Variants in PHC3 observed in about 807,000 individuals in gnomAD.
PHC3 encodes the protein polyhomeotic-like protein 3.
PHC3 carries 13 observed loss-of-function variants against 107.4 expected under a neutral mutation model. The ratio of observed to expected loss-of-function variants is 0.12; its 90% CI spans 0.08 to 0.19. PHC3 has a LOEUF of 0.19. Ranked by LOEUF, PHC3 falls within the 10% of genes least tolerant of loss-of-function variation. The probability of loss-of-function intolerance (pLI) is 1.00; values close to 1 mark genes in which losing one functional copy is unlikely to be tolerated. For synonymous variants in PHC3, 456 were observed against 427.4 expected (o/e 1.07, Z -0.83); for missense variants, 992 against 1,210.9 (o/e 0.82, Z 2.68).
intron 11 of PHC3, among the ~76,000 whole-genome samples, chr3:170,110,779 C>A (rs1044219334): frequency 2.6e-5 from 4 of 152,166 alleles, no homozygotes; most frequent in Admixed American, 2.6e-4. Flanking sequence ...ATATTATAAA[C>A]TGAGGATCAC....
Position 170,092,501 on chromosome 3 carries a change from G to A in PHC3, c.*4729C>T, listed in dbSNP as rs1040347050. On this transcript the variant is annotated 3_prime_UTR_variant, in exon 15 of 15. Coordinates refer to ENST00000495893, the MANE Select transcript of PHC3 (RefSeq NM_024947.4). Reference sequence around the variant, plus strand: ...AGTTCATTTCATGATCCACACTGCTGTGAACCAAAGAAGCAGAGGTAGGCT... The same window carrying A: ...AGTTCATTTCATGATCCACACTGCTATGAACCAAAGAAGCAGAGGTAGGCT... 6 of 152,186 alleles carry A rather than the reference G, an allele frequency of 3.9e-5. No homozygotes were observed. The highest frequency in any genetic ancestry group is 1.3e-4 in the Admixed American group (2 of 15,270). 9.4% of individuals were successfully genotyped at this position (152,186 alleles called of 1,614,324 possible). A position where few individuals can be genotyped will look rare whatever the true frequency, so the allele number is the denominator to read the frequency against.
intron 4 of PHC3, among the ~76,000 whole-genome samples, chr3:170,155,006 C>T (rs1726660784): frequency 2.0e-5 from 3 of 152,192 alleles, no homozygotes; most frequent in Admixed American, 2.0e-4. Context: ...AATCCTGTCA[C>T]TTCATATCTC....
chr3:170,143,457 G>A (rs1724425080), intron 6 of PHC3, among the ~76,000 whole-genome samples: 1 of 151,656 alleles, frequency 6.6e-6, no homozygotes, highest in Non-Finnish European at 1.5e-5. Flanking sequence ...ATAATATATA[G>A]AGGTTTTATC....
At chr3:170,147,208 A>T (rs993707251) in intron 5 of PHC3, 4 of 152,206 alleles carry the variant, frequency 2.6e-5, no homozygotes, top group Admixed American at 2.6e-4. Flanking sequence ...ATCCACTCAG[A>T]GATTAACCAA....
intron 4 of PHC3, among the ~76,000 whole-genome samples, chr3:170,165,420 C>T (rs560948453): frequency 1.8e-4 from 28 of 152,134 alleles, no homozygotes; most frequent in African/African-American, 6.7e-4. Flanking sequence ...AAAAGGACAA[C>T]CAATAGAAGC....
In PHC3 at chr3:170,089,272, A is replaced by C. The variant is rs1713825936; in HGVS notation, c.*7958T>G. 1 of 152,204 alleles carries C rather than the reference A, an allele frequency of 6.6e-6. No homozygotes were observed. The highest frequency in any genetic ancestry group is 6.5e-5 in the Admixed American group (1 of 15,276). The allele number at this position is 152,204 out of a possible 1,614,324, so 9.4% of individuals were successfully genotyped here. ...CAGTATCAACTGATGTTAACAAGTA[A>C]AGCTTTGTCAACAGGAATTACAATG... On this transcript the variant is annotated 3_prime_UTR_variant, in exon 15 of 15. Transcript: ENST00000495893.
intron 3 of PHC3, 104 bp from the exon 4 acceptor site, chr3:170,171,554 A>G (rs1339370871): frequency 2.6e-6 from 2 of 761,872 alleles, no homozygotes; most frequent in African/African-American, 3.7e-5. Flanking sequence ...CAAAAGGCCT[A>G]TGTATGAAAC....
At chr3:170,141,296 A>G (rs1429923666) in intron 6 of PHC3, among the ~76,000 whole-genome samples, 1 of 152,228 alleles carries the variant, frequency 6.6e-6, no homozygotes, top group Non-Finnish European at 1.5e-5. Flanking sequence ...TTTCAAAAGC[A>G]CAGAGAAGAG....
intron 4 of PHC3, 154 bp downstream of exon 4, chr3:170,171,218 AT>A: frequency 3.3e-6 from 2 of 608,602 alleles, no homozygotes; most frequent in Non-Finnish European, 2.8e-6. Flanking sequence ...TTAGTTCTGA[AT>A]TCTTGAATTT....
chr3:170,170,171 C>T (rs939347488), intron 4 of PHC3: 3 of 152,016 alleles, frequency 2.0e-5, no homozygotes, highest in African/African-American at 7.3e-5. Context: ...GAGCACAATT[C>T]CTTAACCTTC....
At chr3:170,132,690 G>T (rs1454160380) in intron 7 of PHC3, among the ~76,000 whole-genome samples, 1 of 152,238 alleles carries the variant, frequency 6.6e-6, no homozygotes, top group East Asian at 1.9e-4. Context: ...CCAGGACTGT[G>T]AGAAAATTAA....
chr3:170,144,306 A>C (rs541797792), intron 6 of PHC3, among the ~76,000 whole-genome samples: 1 of 151,228 alleles, frequency 6.6e-6, no homozygotes, highest in Non-Finnish European at 1.5e-5. Context: ...GTGCCACTGT[A>C]CTCCAGCTTG....
intron 1 of PHC3, among the ~76,000 whole-genome samples, chr3:170,180,690 A>G (rs1338214136): frequency 6.6e-6 from 1 of 151,818 alleles, no homozygotes; most frequent in Non-Finnish European, 1.5e-5. Context: ...CTGTCATACT[A>G]CTACCGTATC....
Position 170,092,295 on chromosome 3 carries a change from C to A in PHC3, c.*4935G>T, listed in dbSNP as rs1714186572. 1 of 152,140 alleles carries A rather than the reference C, an allele frequency of 6.6e-6. No individual in the cohort carries two copies. Among genetic ancestry groups the A allele is most frequent in the Admixed American group, 6.6e-5 (1 of 15,262 alleles). The allele number at this position is 152,140 out of a possible 1,614,324, so 9.4% of individuals were successfully genotyped here. ...GATTACAGGTGTGAGCCACCATGCC[C>A]AGCCCCAAATAATTTCTTTTAAGAT... On this transcript the variant is annotated 3_prime_UTR_variant, in exon 15 of 15. Coordinates refer to ENST00000495893, the MANE Select transcript of PHC3 (RefSeq NM_024947.4).
intron 7 of PHC3, among the ~76,000 whole-genome samples, chr3:170,133,265 G>A (rs758972014): frequency 1.3e-5 from 2 of 150,166 alleles, no homozygotes; most frequent in East Asian, 2.0e-4. Context: ...TGCAACCTCC[G>A]CCTCCCAGGT....
Position 170,175,902 on chromosome 3 carries a change from C to T in PHC3, c.180+2871G>A, listed in dbSNP as rs184905576. On this transcript the variant is annotated intron_variant, in intron 2 of 14. Transcript: ENST00000495893. Reference sequence around the variant, plus strand: ...TCGCGCCACTGCACTCCAGCGTGGGCTACAGGGCAAGACTCAGTCTCAAAA... The same window carrying T: ...TCGCGCCACTGCACTCCAGCGTGGGTTACAGGGCAAGACTCAGTCTCAAAA... Among the ~76,000 whole-genome samples, 7 of 147,828 alleles carry T rather than the reference C, an allele frequency of 4.7e-5. No homozygotes were observed. In the East Asian group the frequency reaches 8.0e-4, roughly 17 times the overall value.
chr3:170,150,338 T>C (rs1725695404), intron 4 of PHC3, among the ~76,000 whole-genome samples: 1 of 152,054 alleles, frequency 6.6e-6, no homozygotes, highest in South Asian at 2.1e-4. Flanking sequence ...GGAAAAATCC[T>C]GAATATCAGC....
chr3:170,111,428 G>A (rs569611630), intron 11 of PHC3, among the ~76,000 whole-genome samples: 4 of 150,000 alleles, frequency 2.7e-5, no homozygotes, highest in East Asian at 2.0e-4. Flanking sequence ...AAAGAAGGAA[G>A]GAGAAAGAAA....
intron 4 of PHC3, among the ~76,000 whole-genome samples, chr3:170,149,626 G>T (rs956894067): frequency 6.6e-6 from 1 of 151,856 alleles, no homozygotes; most frequent in Admixed American, 6.6e-5. Context: ...GGCTAATTTT[G>T]TATATTTTTA....
Sources: allele counts gnomAD v4.1 joint callset (sites outside exome capture counted in the v4.1 genomes callset), GRCh38; gene constraint gnomAD v4.1.1; transcripts MANE v1.5; gene names NCBI Gene and HGNC (gene_info 2026-07-23, HGNC 2026-07-21).